Variants in FNBP1L observed in about 807,000 individuals in gnomAD.
FNBP1L encodes formin-binding protein 1-like.
In FNBP1L, 36 loss-of-function variants were observed where a neutral mutation model predicts 91.2. That is an observed-to-expected ratio of 0.39 (90% CI 0.30 to 0.52). The LOEUF (loss-of-function observed/expected upper bound fraction) is 0.52, where lower values mean the gene tolerates loss of function less well. Among genes scored for constraint, FNBP1L ranks in the 20% least tolerant of loss-of-function variants. FNBP1L has a pLI of 0.66. For synonymous variants in FNBP1L, 242 were observed against 237.0 expected (o/e 1.02, Z -0.19); for missense variants, 571 against 732.1 (o/e 0.78, Z 2.54).
intron 1 of FNBP1L, among the ~76,000 whole-genome samples, chr1:93,469,430 G>A (rs1001031710): frequency 3.9e-5 from 6 of 152,028 alleles, no homozygotes; most frequent in Admixed American, 3.9e-4. Flanking sequence ...CTTTTTCATG[G>A]CTGCATAGTA....
chr1:93,453,790 C>T (rs563938970), intron 1 of FNBP1L, among the ~76,000 whole-genome samples: 4 of 152,276 alleles, frequency 2.6e-5, no homozygotes, highest in Admixed American at 1.3e-4. Flanking sequence ...ACCTGAAACA[C>T]GTAAACAGGA....
chr1:93,469,063 A>G (rs905997827), intron 1 of FNBP1L, among the ~76,000 whole-genome samples: 4 of 152,182 alleles, frequency 2.6e-5, no homozygotes, highest in African/African-American at 9.7e-5. Flanking sequence ...TTCCTAAAGA[A>G]ATACCTGCTT....
At chr1:93,520,288 A>T (rs1234168420) in intron 2 of FNBP1L, among the ~76,000 whole-genome samples, 1 of 152,216 alleles carries the variant, frequency 6.6e-6, no homozygotes, top group East Asian at 1.9e-4. Flanking sequence ...TACTAATCTG[A>T]GAATAATTAA....
chr1:93,499,325 G>A, intron 1 of FNBP1L, 143 bp from the exon 2 acceptor site: 1 of 633,010 alleles, frequency 1.6e-6, no homozygotes, highest in Non-Finnish European at 2.8e-6. Flanking sequence ...GTCTTAAAGG[G>A]TGAAGTGGGG....
At chr1:93,475,103 C>A (rs1669444295) in intron 1 of FNBP1L, among the ~76,000 whole-genome samples, 1 of 151,068 alleles carries the variant, frequency 6.6e-6, no homozygotes, top group Admixed American at 6.6e-5. Flanking sequence ...TTCTTGATGT[C>A]TAGAATGATG....
At chr1:93,477,992 C>T (rs1441752413) in intron 1 of FNBP1L, among the ~76,000 whole-genome samples, 1 of 152,166 alleles carries the variant, frequency 6.6e-6, no homozygotes, top group South Asian at 2.1e-4. Context: ...TTTAAAATGT[C>T]TGGAACACAC....
chr1:93,517,431 A>G (rs1490981791), intron 2 of FNBP1L, among the ~76,000 whole-genome samples: 1 of 151,978 alleles, frequency 6.6e-6, no homozygotes, highest in Non-Finnish European at 1.5e-5. Flanking sequence ...GCCCCAAGGG[A>G]TCCTCCCACT....
intron 1 of FNBP1L, among the ~76,000 whole-genome samples, chr1:93,486,571 A>C (rs1557786580): frequency 2.0e-5 from 3 of 152,204 alleles, no homozygotes; most frequent in South Asian, 4.1e-4. Flanking sequence ...AGGAATGTGA[A>C]TCTCAGAGCA....
At chr1:93,551,158 T>A in intron 16 of FNBP1L, 53 bp downstream of exon 16, 4 of 1,476,648 alleles carry the variant, frequency 2.7e-6, no homozygotes, top group Non-Finnish European at 3.6e-6. Flanking sequence ...ATGTGTGACA[T>A]AGGAAGAGTA....
At chr1:93,488,901 T>G (rs1229645024) in intron 1 of FNBP1L, among the ~76,000 whole-genome samples, 2 of 152,208 alleles carry the variant, frequency 1.3e-5, no homozygotes, top group African/African-American at 4.8e-5. Flanking sequence ...TTCTGACTGT[T>G]TCTCTTTTAG....
At chr1:93,476,594 C>T (rs1217102078) in intron 1 of FNBP1L, among the ~76,000 whole-genome samples, 2 of 152,002 alleles carry the variant, frequency 1.3e-5, no homozygotes, top group Non-Finnish European at 2.9e-5. Flanking sequence ...AAGATGATAT[C>T]AGCATAAAAA....
chr1:93,522,215 C>T, intron 3 of FNBP1L, 80 bp downstream of exon 3: 1 of 633,400 alleles, frequency 1.6e-6, no homozygotes. Context: ...AAGATATATT[C>T]TTAGCTTTTT....
chr1:93,497,403 A>G (rs1670302037), intron 1 of FNBP1L, among the ~76,000 whole-genome samples: 1 of 152,216 alleles, frequency 6.6e-6, no homozygotes, highest in Admixed American at 6.5e-5. Context: ...TTGAAAAATG[A>G]ATTAGAAAAT....
intron 2 of FNBP1L, among the ~76,000 whole-genome samples, chr1:93,503,556 G>A (rs1670507296): frequency 6.6e-6 from 1 of 151,888 alleles, no homozygotes; most frequent in Non-Finnish European, 1.5e-5. Context: ...TGTTTTGATG[G>A]TGTTGGTTTA....
intron 11 of FNBP1L, 193 bp from the exon 12 acceptor site, chr1:93,543,914 G>A (rs1672129964): frequency 5.8e-6 from 2 of 346,208 alleles, no homozygotes; most frequent in Non-Finnish European, 1.1e-5. Flanking sequence ...CTTTTCTTCA[G>A]TACATTGTTT....
chr1:93,506,540 T>TAC (rs1670620402), intron 2 of FNBP1L, among the ~76,000 whole-genome samples: 2 of 48,898 alleles, frequency 4.1e-5, no homozygotes, highest in Non-Finnish European at 1.9e-4. Flanking sequence ...AAAGGGGTAC[T>TAC]AGTCAGTGAG....
At chr1:93,546,767 A>G in intron 12 of FNBP1L, 75 bp from the exon 13 acceptor site, 1 of 1,520,438 alleles carries the variant, frequency 6.6e-7, no homozygotes, top group Non-Finnish European at 9.0e-7. Flanking sequence ...ACGAGTCCCC[A>G]GAGTCCAATA....
chr1:93,474,869 A>G (rs1051764734), intron 1 of FNBP1L, among the ~76,000 whole-genome samples: 1 of 152,160 alleles, frequency 6.6e-6, no homozygotes, highest in Non-Finnish European at 1.5e-5. Flanking sequence ...TCATTCTCAC[A>G]CCTAGCTTCT....
At chr1:93,519,893 C>T (rs1271987812) in intron 2 of FNBP1L, among the ~76,000 whole-genome samples, 1 of 152,170 alleles carries the variant, frequency 6.6e-6, no homozygotes, top group Non-Finnish European at 1.5e-5. Context: ...TTTGAGGCTA[C>T]AGTGAGCTAT....
Sources: allele counts gnomAD v4.1 joint callset (sites outside exome capture counted in the v4.1 genomes callset), GRCh38; gene constraint gnomAD v4.1.1; transcripts MANE v1.5; gene names NCBI Gene and HGNC (gene_info 2026-07-23, HGNC 2026-07-21).